Variants in PTPRR observed in about 807,000 individuals in gnomAD.
The protein encoded by PTPRR is protein tyrosine phosphatase receptor type R, also known as receptor-type tyrosine-protein phosphatase R.
Under a neutral mutation model 77.2 loss-of-function variants are expected in PTPRR, and 38 were observed. The ratio of observed to expected loss-of-function variants is 0.49; its 90% confidence interval spans 0.38 to 0.65. The LOEUF (loss-of-function observed/expected upper bound fraction) is 0.65, where lower values mean the gene tolerates loss of function less well. Among genes scored for constraint, PTPRR ranks in the 30% least tolerant of loss-of-function variants. PTPRR has a pLI of 0.00. For synonymous variants in PTPRR, 299 were observed against 283.1 expected, an observed-to-expected ratio of 1.06 and a Z score of -0.57; for missense variants, 744 against 799.2, an observed-to-expected ratio of 0.93 and a Z score of 0.83.
At chr12:70,854,284 G>C (rs772176457) in intron 2 of PTPRR, among the ~76,000 whole-genome samples, 3 of 152,142 alleles carry the variant, frequency 2.0e-5, no homozygotes, top group African/African-American at 4.8e-5. Context: ...AAATTTCTAA[G>C]AAGGAAAACG....
intron 2 of PTPRR, among the ~76,000 whole-genome samples, chr12:70,862,168 G>A (rs1034175598): frequency 6.6e-6 from 1 of 152,052 alleles, no homozygotes; most frequent in East Asian, 1.9e-4. Flanking sequence ...AATTCTCCAA[G>A]GCCTACTGAA....
At chr12:70,682,290 G>T (rs920119482) in intron 10 of PTPRR, among the ~76,000 whole-genome samples, 2 of 151,654 alleles carry the variant, frequency 1.3e-5, no homozygotes, top group African/African-American at 2.4e-5. Context: ...TGATCCGCCC[G>T]CCTCGGCCTC....
At chr12:70,672,334 C>T in intron 10 of PTPRR, 1 of 1,516,416 alleles carries the variant, frequency 6.6e-7, no homozygotes, top group Non-Finnish European at 9.1e-7. Flanking sequence ...TTGCCAACTC[C>T]ATTGTGGAGC....
At chr12:70,648,512 G>T (rs1335347517) in intron 13 of PTPRR, among the ~76,000 whole-genome samples, 4 of 152,094 alleles carry the variant, frequency 2.6e-5, no homozygotes, top group African/African-American at 9.7e-5. Flanking sequence ...TCAGGTGGAG[G>T]TCCATGAAAT....
At chr12:70,876,319 A>G (rs560698440) in intron 2 of PTPRR, among the ~76,000 whole-genome samples, 1 of 152,278 alleles carries the variant, frequency 6.6e-6, no homozygotes, top group Non-Finnish European at 1.5e-5. Context: ...AAAGATTTCT[A>G]TAAAAGATGA....
At chr12:70,838,208 A>G (rs745812416) in intron 2 of PTPRR, among the ~76,000 whole-genome samples, 4 of 152,156 alleles carry the variant, frequency 2.6e-5, no homozygotes, top group Non-Finnish European at 5.9e-5. Context: ...GGATATTGAC[A>G]ATAAATAATG....
At chr12:70,821,212 G>GTTTTTTTTTTT (rs1252907478) in intron 2 of PTPRR, among the ~76,000 whole-genome samples, 1 of 44,552 alleles carries the variant, frequency 2.2e-5, no homozygotes, top group Non-Finnish European at 5.2e-5. Context: ...AGGGATCACT[G>GTTTTTTTTTTT]CTTTTTTTTT....
intron 2 of PTPRR, among the ~76,000 whole-genome samples, chr12:70,834,147 T>C (rs1592784100): frequency 6.6e-6 from 1 of 152,194 alleles, no homozygotes; most frequent in Non-Finnish European, 1.5e-5. Flanking sequence ...ACCTTTAGAA[T>C]ATGGCAACCA....
intron 10 of PTPRR, among the ~76,000 whole-genome samples, chr12:70,667,296 G>A (rs571931875): frequency 6.6e-6 from 1 of 152,254 alleles, no homozygotes; most frequent in East Asian, 1.9e-4. Flanking sequence ...ACTATAGTTG[G>A]AAGTAAAGCA....
chr12:70,870,096 T>C (rs1461781833), intron 2 of PTPRR, among the ~76,000 whole-genome samples: 1 of 152,068 alleles, frequency 6.6e-6, no homozygotes, highest in Non-Finnish European at 1.5e-5. Flanking sequence ...GAAACTACTG[T>C]CTATTAGAAG....
chr12:70,731,471 A>G (rs1162398777), intron 6 of PTPRR, among the ~76,000 whole-genome samples: 1 of 152,196 alleles, frequency 6.6e-6, no homozygotes, highest in Non-Finnish European at 1.5e-5. Flanking sequence ...GAACCACTCA[A>G]TTGTAGGATA....
chr12:70,838,931 T>G (rs764471301), intron 2 of PTPRR, among the ~76,000 whole-genome samples: 4 of 152,132 alleles, frequency 2.6e-5, no homozygotes, highest in Non-Finnish European at 5.9e-5. Flanking sequence ...ACTGAACATA[T>G]GGACACAAAT....
rs542224938 is a variant in PTPRR, at chr12:70,738,842, G to A, written c.1007+6976C>T. On this transcript the variant is annotated intron_variant, in intron 6 of 13. Transcript: ENST00000283228. ...TTGTCATGTAGCTTAACTGTCCCAA[G>A]AGCTGTGCAAGGCACATGCTATGCT... Among the ~76,000 whole-genome samples, 25 of 152,308 alleles carry A rather than the reference G, an allele frequency of 1.6e-4. 1 individual carries two copies. The South Asian group carries it at 2.5e-3, about 15-fold the overall frequency.
chr12:70,849,257 T>G (rs1892535453), intron 2 of PTPRR, among the ~76,000 whole-genome samples: 1 of 152,178 alleles, frequency 6.6e-6, no homozygotes, highest in Admixed American at 6.5e-5. Flanking sequence ...AAAAAAAATT[T>G]TCCAACAGGC....
chr12:70,661,215 G>GT, intron 11 of PTPRR, 118 bp from the exon 12 acceptor site: 1 of 1,358,480 alleles, frequency 7.4e-7, no homozygotes, highest in East Asian at 2.5e-5. Context: ...TTTCTAGGTG[G>GT]GAAAAAAATT....
At chr12:70,718,582 C>A (rs1435811555) in intron 6 of PTPRR, among the ~76,000 whole-genome samples, 2 of 152,132 alleles carry the variant, frequency 1.3e-5, no homozygotes, top group African/African-American at 4.8e-5. Flanking sequence ...GTTTTAAACA[C>A]AAATACACAC....
chr12:70,657,253 A>T (rs1012667898), intron 12 of PTPRR, among the ~76,000 whole-genome samples: 1 of 152,170 alleles, frequency 6.6e-6, no homozygotes, highest in Non-Finnish European at 1.5e-5. Context: ...GGCCAAGTGC[A>T]TGCTGGAATA....
intron 8 of PTPRR, among the ~76,000 whole-genome samples, chr12:70,697,334 TTAATA>T (rs1888263877): frequency 1.3e-5 from 2 of 152,202 alleles, no homozygotes; most frequent in South Asian, 4.1e-4. Context: ...TAAACATCTT[TTAATA>T]TGCTTGTTGG....
intron 5 of PTPRR, among the ~76,000 whole-genome samples, chr12:70,753,506 C>T (rs902992394): frequency 2.0e-5 from 3 of 152,032 alleles, no homozygotes; most frequent in African/African-American, 4.8e-5. Context: ...CTAAAGATAC[C>T]GTTAGTTCAT....
Sources: gnomAD v4.1 joint callset for allele counts (sites outside exome capture counted in the v4.1 genomes callset) on GRCh38, gnomAD v4.1.1 for gene constraint, MANE v1.5 for transcripts, NCBI Gene and HGNC (gene_info 2026-07-23, HGNC 2026-07-21) for gene names.